The following TRDN variants were observed in gnomAD, a reference collection of about 807,000 sequenced individuals.
TRDN encodes the protein triadin.
TRDN carries 161 observed loss-of-function variants against 149.7 expected under a neutral mutation model. The observed-to-expected ratio is 1.08, with a 90% confidence interval of 0.95 to 1.23. The LOEUF (loss-of-function observed/expected upper bound fraction) is 1.23, where lower values mean the gene tolerates loss of function less well. Among genes scored for constraint, TRDN ranks in the 50% most tolerant of loss-of-function variants. The pLI is 0.00. For synonymous variants in TRDN, 294 were observed against 250.5 expected (o/e 1.17, Z -1.64); for missense variants, 896 against 823.5 (o/e 1.09, Z -1.08).
intron 9 of TRDN, among the ~76,000 whole-genome samples, chr6:123,472,492 G>A (rs1562332843): frequency 6.6e-6 from 1 of 152,338 alleles, no homozygotes; most frequent in East Asian, 1.9e-4. Flanking sequence ...TAAGGCGGCA[G>A]CAAGGCTGGG....
At chr6:123,595,797 AG>A (rs1218279039) in intron 1 of TRDN, among the ~76,000 whole-genome samples, 1 of 152,106 alleles carries the variant, frequency 6.6e-6, no homozygotes, top group Non-Finnish European at 1.5e-5. Flanking sequence ...CACCCATTCA[AG>A]AAGGTGAACT....
chr6:123,325,348 C>A (rs1182919654), intron 23 of TRDN, among the ~76,000 whole-genome samples: 1 of 151,954 alleles, frequency 6.6e-6, no homozygotes, highest in Non-Finnish European at 1.5e-5. Flanking sequence ...AGAGACTAGG[C>A]ACCAAGAAAC....
intron 12 of TRDN, among the ~76,000 whole-genome samples, chr6:123,423,543 A>G (rs1385293444): frequency 6.6e-6 from 1 of 152,184 alleles, no homozygotes; most frequent in African/African-American, 2.4e-5. Context: ...TAAAGTTGCT[A>G]TAACTATTCT....
At chr6:123,492,660 G>A (rs1424232404) in intron 9 of TRDN, among the ~76,000 whole-genome samples, 1 of 151,944 alleles carries the variant, frequency 6.6e-6, no homozygotes, top group Non-Finnish European at 1.5e-5. Context: ...AAATTGAAAA[G>A]GAAATTGGAA....
chr6:123,599,822 C>T (rs995893286), intron 1 of TRDN, among the ~76,000 whole-genome samples: 2 of 151,718 alleles, frequency 1.3e-5, no homozygotes, highest in Non-Finnish European at 2.9e-5. Context: ...AATATGTTTG[C>T]ATTTTATCTA....
At chr6:123,557,675 T>A (rs529881918) in intron 2 of TRDN, among the ~76,000 whole-genome samples, 75 of 152,220 alleles carry the variant, frequency 4.9e-4, no homozygotes, top group African/African-American at 1.7e-3. Context: ...CAGAGGTGTG[T>A]GACCACGTGG....
intron 24 of TRDN, among the ~76,000 whole-genome samples, chr6:123,296,399 C>T (rs1235580891): frequency 6.6e-6 from 1 of 151,990 alleles, no homozygotes; most frequent in Non-Finnish European, 1.5e-5. Context: ...ATAAGAAGAC[C>T]ATTAGGGGGA....
At chr6:123,478,266 T>C (rs1777590408) in intron 9 of TRDN, among the ~76,000 whole-genome samples, 1 of 152,270 alleles carries the variant, frequency 6.6e-6, no homozygotes, top group Non-Finnish European at 1.5e-5. Context: ...CACACATTTT[T>C]TACATGGTCA....
intron 4 of TRDN, among the ~76,000 whole-genome samples, chr6:123,543,811 C>CAA (rs1205155034): frequency 6.6e-6 from 1 of 151,992 alleles, no homozygotes; most frequent in Non-Finnish European, 1.5e-5. Context: ...AAATATTTAT[C>CAA]AAAAAATTAT....
chr6:123,280,863 G>A (rs1777561825), intron 24 of TRDN, among the ~76,000 whole-genome samples: 2 of 152,042 alleles, frequency 1.3e-5, no homozygotes, highest in African/African-American at 4.8e-5. Context: ...TTTGGGGACA[G>A]TGGTCATGTG....
At chr6:123,398,417 A>G (rs1772822798) in intron 12 of TRDN, among the ~76,000 whole-genome samples, 1 of 152,248 alleles carries the variant, frequency 6.6e-6, no homozygotes, top group Non-Finnish European at 1.5e-5. Context: ...AATTTGACCC[A>G]GCATTATAAA....
intron 10 of TRDN, among the ~76,000 whole-genome samples, chr6:123,461,782 A>G (rs975425631): frequency 6.6e-6 from 1 of 152,162 alleles, no homozygotes; most frequent in African/African-American, 2.4e-5. Flanking sequence ...TTTGATGATA[A>G]AGGACCTTTC....
chr6:123,394,222 A>G (rs1295696852), intron 12 of TRDN, among the ~76,000 whole-genome samples: 2 of 152,068 alleles, frequency 1.3e-5, no homozygotes. Flanking sequence ...TTCATTATGA[A>G]TCTTTCTTCC....
intron 12 of TRDN, among the ~76,000 whole-genome samples, chr6:123,423,973 T>A (rs990060492): frequency 6.6e-6 from 1 of 152,098 alleles, no homozygotes; most frequent in African/African-American, 2.4e-5. Context: ...ACAATGACAG[T>A]AACTTGAAAC....
intron 38 of TRDN, among the ~76,000 whole-genome samples, chr6:123,231,145 C>A (rs758074002): frequency 6.6e-6 from 1 of 152,028 alleles, no homozygotes; most frequent in Admixed American, 6.6e-5. Context: ...TCTATCTTTA[C>A]TTGCAAAGCA....
chr6:123,372,404 C>T (rs1396609471), intron 19 of TRDN, among the ~76,000 whole-genome samples: 1 of 151,998 alleles, frequency 6.6e-6, no homozygotes, highest in African/African-American at 2.4e-5. Context: ...ACATAACACC[C>T]AATCTGTGCA....
intron 20 of TRDN, among the ~76,000 whole-genome samples, chr6:123,364,631 A>G (rs1390114489): frequency 6.6e-6 from 1 of 152,208 alleles, no homozygotes; most frequent in Non-Finnish European, 1.5e-5. Flanking sequence ...CTGGTGACAG[A>G]GAAAGACTGT....
chr6:123,629,365 T>C (rs560773380), intron 1 of TRDN, among the ~76,000 whole-genome samples: 13 of 152,208 alleles, frequency 8.5e-5, no homozygotes, highest in Non-Finnish European at 1.5e-4. Flanking sequence ...AGTTTTTCCT[T>C]CTTTTGTTTT....
Position 123,409,690 on chromosome 6 carries a change from TACACACACAC to T in TRDN, c.1052-16023_1052-16014del, listed in dbSNP as rs5879677. Among the ~76,000 whole-genome samples, 201 of 149,412 alleles carry T rather than the reference TACACACACAC, an allele frequency of 1.3e-3. 1 individual carries two copies. Among genetic ancestry groups the T allele is most frequent in the African/African-American group, 4.6e-3 (187 of 40,620 alleles). On this transcript the variant is annotated intron_variant, in intron 12 of 40. Coordinates refer to ENST00000334268, the MANE Select transcript of TRDN (RefSeq NM_006073.4). ...GTCAGTTAAAACAGATAATGTAATT[TACACACACAC>T]ACACACACACACACACCCAAAACTC...
Sources: allele counts gnomAD v4.1 joint callset (sites outside exome capture counted in the v4.1 genomes callset), GRCh38; gene constraint gnomAD v4.1.1; transcripts MANE v1.5; gene names NCBI Gene and HGNC (gene_info 2026-07-23, HGNC 2026-07-21).